DLG2: variants seen among roughly 807,000 people sequenced by gnomAD.
DLG2 encodes the protein discs large MAGUK scaffold protein 2, also known as disks large homolog 2.
A neutral mutation model predicts 132.5 loss-of-function variants in DLG2; 45 were observed. The ratio of observed to expected loss-of-function variants is 0.34; its 90% CI spans 0.27 to 0.44. DLG2 has a LOEUF of 0.44. Among genes scored for constraint, DLG2 ranks in the 20% least tolerant of loss-of-function variants. The pLI is 1.00. For synonymous variants in DLG2, 424 were observed against 419.6 expected (o/e 1.01, Z -0.13); for missense variants, 1,045 against 1,196.9 (o/e 0.87, Z 1.87).
chr11:85,016,054 T>TA (rs1047332826), intron 6 of DLG2, among the ~76,000 whole-genome samples: 17 of 151,382 alleles, frequency 1.1e-4, no homozygotes, highest in Admixed American at 4.0e-4. Context: ...AAATAGAAAT[T>TA]AAAAAAAAAC....
At chr11:84,933,324 C>T (rs1056982969) in intron 6 of DLG2, among the ~76,000 whole-genome samples, 13 of 152,036 alleles carry the variant, frequency 8.6e-5, no homozygotes, top group African/African-American at 2.9e-4. Flanking sequence ...CTGCTCTTTT[C>T]GCTTAGGATT....
chr11:84,041,273 C>G (rs1319322135), intron 11 of DLG2, among the ~76,000 whole-genome samples: 1 of 151,950 alleles, frequency 6.6e-6, no homozygotes, highest in African/African-American at 2.4e-5. Context: ...TGCCATTTCA[C>G]TCATAGGCAG....
chr11:85,368,025 C>A (rs1343679619), intron 3 of DLG2, among the ~76,000 whole-genome samples: 1 of 152,050 alleles, frequency 6.6e-6, no homozygotes, highest in African/African-American at 2.4e-5. Context: ...TAGAAAGTTT[C>A]TTTGCTATTT....
chr11:84,395,275 T>A (rs185751580), intron 7 of DLG2, among the ~76,000 whole-genome samples: 67 of 152,316 alleles, frequency 4.4e-4, no homozygotes, highest in Admixed American at 4.3e-3. Context: ...ATAATCCATA[T>A]CCCACAATTC....
At chr11:83,926,263 C>A (rs950434779) in intron 15 of DLG2, among the ~76,000 whole-genome samples, 10 of 152,248 alleles carry the variant, frequency 6.6e-5, no homozygotes, top group African/African-American at 2.2e-4. Context: ...GCTGACTAAC[C>A]TTTATTCTTC....
At chr11:84,492,190 G>C (rs961822632) in intron 7 of DLG2, among the ~76,000 whole-genome samples, 1 of 152,048 alleles carries the variant, frequency 6.6e-6, no homozygotes, top group African/African-American at 2.4e-5. Context: ...GAATAAAAGG[G>C]TTTTTAAAAT....
At chr11:84,680,227 A>T (rs577658821) in intron 6 of DLG2, among the ~76,000 whole-genome samples, 1 of 152,036 alleles carries the variant, frequency 6.6e-6, no homozygotes, top group Non-Finnish European at 1.5e-5. Context: ...TCATCTTCAA[A>T]GCTGTTTCTT....
chr11:83,531,058 C>T (rs1266302222), intron 21 of DLG2, among the ~76,000 whole-genome samples: 3 of 151,892 alleles, frequency 2.0e-5, no homozygotes, highest in Non-Finnish European at 4.4e-5. Flanking sequence ...TTATAAAACT[C>T]TTAGAAGAAA....
At chr11:83,814,278 T>C (rs1262373879) in intron 17 of DLG2, among the ~76,000 whole-genome samples, 1 of 152,158 alleles carries the variant, frequency 6.6e-6, no homozygotes, top group Non-Finnish European at 1.5e-5. Context: ...ATAAGTATCA[T>C]TCAGCATCTG....
chr11:84,969,945 C>G (rs548199396), intron 6 of DLG2, among the ~76,000 whole-genome samples: 1 of 152,144 alleles, frequency 6.6e-6, no homozygotes, highest in African/African-American at 2.4e-5. Flanking sequence ...CATGTTTTCA[C>G]TCGTAAGTGG....
intron 15 of DLG2, among the ~76,000 whole-genome samples, chr11:83,903,349 A>G (rs12281299): frequency 0.096 from 14,651 of 152,170 alleles, 825 homozygotes; most frequent in Middle Eastern, 0.2. Flanking sequence ...CCCATTTTAT[A>G]TCAAGAATAT....
intron 6 of DLG2, among the ~76,000 whole-genome samples, chr11:85,046,938 GTTC>G (rs1423995351): frequency 6.6e-6 from 1 of 151,596 alleles, no homozygotes; most frequent in Admixed American, 6.6e-5. Flanking sequence ...AAAGAGATAT[GTTC>G]TTTTTATTTG....
At chr11:85,613,956 G>T (rs977799086) in intron 2 of DLG2, among the ~76,000 whole-genome samples, 1 of 152,022 alleles carries the variant, frequency 6.6e-6, no homozygotes, top group African/African-American at 2.4e-5. Context: ...AACAACTCTG[G>T]ACATGCCACC....
At chr11:85,557,149 G>A (rs1388011344) in intron 3 of DLG2, among the ~76,000 whole-genome samples, 1 of 151,522 alleles carries the variant, frequency 6.6e-6, no homozygotes, top group South Asian at 2.1e-4. Context: ...GATGAGAACA[G>A]TAATAATAAT....
intron 6 of DLG2, among the ~76,000 whole-genome samples, chr11:85,074,299 A>T (rs556085133): frequency 6.6e-6 from 1 of 151,936 alleles, no homozygotes; most frequent in African/African-American, 2.4e-5. Context: ...TTTCTCTAAA[A>T]CTTCTCAGAC....
intron 5 of DLG2, among the ~76,000 whole-genome samples, chr11:85,119,493 T>C (rs912805986): frequency 6.6e-6 from 1 of 152,078 alleles, no homozygotes; most frequent in Non-Finnish European, 1.5e-5. Context: ...CATTCTGTCA[T>C]TGCATCCTAG....
intron 9 of DLG2, among the ~76,000 whole-genome samples, chr11:84,138,464 G>A (rs1422969214): frequency 6.6e-6 from 1 of 152,176 alleles, no homozygotes; most frequent in Non-Finnish European, 1.5e-5. Context: ...AACGTGTGTT[G>A]TAATGTCGAT....
At chr11:84,267,051 A>G (rs1175724878) in intron 7 of DLG2, among the ~76,000 whole-genome samples, 1 of 152,228 alleles carries the variant, frequency 6.6e-6, no homozygotes, top group African/African-American at 2.4e-5. Context: ...AATAGGGACA[A>G]AGTCCCATGA....
intron 19 of DLG2, among the ~76,000 whole-genome samples, chr11:83,609,472 T>G (rs925637997): frequency 2.0e-5 from 3 of 152,234 alleles, no homozygotes; most frequent in African/African-American, 7.2e-5. Flanking sequence ...TTTTGAAATT[T>G]CCCATTAAGC....
Sources: allele counts gnomAD v4.1 joint callset (sites outside exome capture counted in the v4.1 genomes callset), GRCh38; gene constraint gnomAD v4.1.1; transcripts MANE v1.5; gene names NCBI Gene and HGNC (gene_info 2026-07-23, HGNC 2026-07-21).